The following TIAM1 variants were observed in gnomAD, a reference collection of about 807,000 sequenced individuals.
TIAM1 encodes the protein rho guanine nucleotide exchange factor TIAM1.
TIAM1 carries 65 observed loss-of-function variants against 163.5 expected under a neutral mutation model. The observed-to-expected ratio is 0.40, with a 90% CI of 0.33 to 0.49. The LOEUF (loss-of-function observed/expected upper bound fraction) is 0.49, where lower values mean the gene tolerates loss of function less well. Among genes scored for constraint, TIAM1 ranks in the 20% least tolerant of loss-of-function variants. The pLI is 0.77. For synonymous variants in TIAM1, 833 were observed against 810.1 expected, an observed-to-expected ratio of 1.03 and a Z score of -0.48; for missense variants, 1,789 against 2,044.7, an observed-to-expected ratio of 0.87 and a Z score of 2.41.
At chr21:31,287,572 G>C (rs965401654) in intron 2 of TIAM1, among the ~76,000 whole-genome samples, 2 of 152,160 alleles carry the variant, frequency 1.3e-5, no homozygotes, top group African/African-American at 2.4e-5. Flanking sequence ...GCTTAGCTTA[G>C]GAGGATGAGA....
At chr21:31,281,993 C>G (rs2073590782) in intron 2 of TIAM1, among the ~76,000 whole-genome samples, 1 of 152,130 alleles carries the variant, frequency 6.6e-6, no homozygotes, top group African/African-American at 2.4e-5. Context: ...TAAGAAAAAA[C>G]TTGGGAATGA....
chr21:31,468,802 G>C lies in TIAM1; in HGVS notation c.-421-4767C>G, dbSNP rs574394844. On this transcript the variant is annotated intron_variant, in intron 1 of 28. Coordinates refer to the TIAM1 transcript ENST00000286827. Reference sequence around the variant, plus strand: ...AAAAAAACGAACCTAGAAGGGCGACGTGCTAAATACTCTCAGATTGCCCTT... The same window carrying C: ...AAAAAAACGAACCTAGAAGGGCGACCTGCTAAATACTCTCAGATTGCCCTT... 3.7e-4 allele frequency among the ~76,000 whole-genome samples: 57 copies of C among 152,186 alleles called. 1 individual carries two copies. Among genetic ancestry groups the C allele is most frequent in the South Asian group, 2.9e-3 (14 of 4,818 alleles).
At chr21:31,288,632 T>G (rs1285054969) in intron 2 of TIAM1, among the ~76,000 whole-genome samples, 1 of 152,046 alleles carries the variant, frequency 6.6e-6, no homozygotes, top group Non-Finnish European at 1.5e-5. Flanking sequence ...GCATAGCAAC[T>G]CCCAAAAAAC....
chr21:31,467,645 A>G (rs1036926227), intron 1 of TIAM1, among the ~76,000 whole-genome samples: 2 of 151,210 alleles, frequency 1.3e-5, no homozygotes, highest in African/African-American at 4.8e-5. Flanking sequence ...AAGAATAAAT[A>G]AATAAAAATA....
chr21:31,205,285 C>T (rs2086392525), intron 11 of TIAM1, among the ~76,000 whole-genome samples: 1 of 152,062 alleles, frequency 6.6e-6, no homozygotes, highest in Non-Finnish European at 1.5e-5. Context: ...CCGACTGAGG[C>T]GGAAGGGAAA....
chr21:31,152,415 C>T (rs536620215), intron 19 of TIAM1, among the ~76,000 whole-genome samples: 1 of 152,190 alleles, frequency 6.6e-6, no homozygotes, highest in Admixed American at 6.5e-5. Flanking sequence ...GTTGGTACTT[C>T]TTCTCACGTA....
chr21:31,432,368 G>C (rs2044071434), intron 2 of TIAM1, among the ~76,000 whole-genome samples: 1 of 152,098 alleles, frequency 6.6e-6, no homozygotes, highest in Non-Finnish European at 1.5e-5. Context: ...CAAAGTGCTG[G>C]GATTACAGGC....
chr21:31,203,664 T>C (rs1053438548), intron 11 of TIAM1, among the ~76,000 whole-genome samples: 2 of 125,780 alleles, frequency 1.6e-5, no homozygotes, highest in African/African-American at 5.3e-5. Flanking sequence ...TTCTTAAATA[T>C]AACTTCATAG....
rs1020977002 is a variant in TIAM1, at chr21:31,426,689, C to T, written c.-369+37294G>A. Among the ~76,000 whole-genome samples the T allele has an allele frequency of 9.9e-5, 15 of 152,030 alleles. No homozygotes were observed. The East Asian group carries it at 1.2e-3, about 12-fold the overall frequency. ...TTCCACTTTGCAGAGAGTCATAGCA[C>T]GGTTTTTTTCAACTTTGGTTTTCAT... On this transcript the variant is annotated intron_variant, in intron 2 of 28. Transcript: ENST00000286827.
chr21:31,454,204 A>G (rs2044998272), intron 2 of TIAM1, among the ~76,000 whole-genome samples: 1 of 152,094 alleles, frequency 6.6e-6, no homozygotes, highest in African/African-American at 2.4e-5. Flanking sequence ...TTTTGTCTGT[A>G]TTTTTTTGCT....
intron 20 of TIAM1, among the ~76,000 whole-genome samples, chr21:31,143,010 T>C (rs1470301602): frequency 1.3e-5 from 2 of 152,052 alleles, no homozygotes; most frequent in African/African-American, 4.8e-5. Context: ...GGACAGTGTA[T>C]CCAAGCAACG....
intron 2 of TIAM1, among the ~76,000 whole-genome samples, chr21:31,408,283 G>C (rs1011448763): frequency 1.3e-5 from 2 of 152,176 alleles, no homozygotes; most frequent in African/African-American, 4.8e-5. Flanking sequence ...GAAAGACAAA[G>C]AGAAGAAATG....
intron 2 of TIAM1, among the ~76,000 whole-genome samples, chr21:31,324,936 G>T (rs934176282): frequency 4.6e-5 from 7 of 152,238 alleles, no homozygotes; most frequent in African/African-American, 1.7e-4. Flanking sequence ...GACCACAAGG[G>T]TAAACAATGA....
chr21:31,536,368 C>T (rs1429279199), intron 1 of TIAM1, among the ~76,000 whole-genome samples: 1 of 152,212 alleles, frequency 6.6e-6, no homozygotes, highest in African/African-American at 2.4e-5. Flanking sequence ...CACACCATGG[C>T]ACCTGCCCAT....
Position 31,316,571 on chromosome 21 carries a change from T to C in TIAM1, c.-189+22672A>G, listed in dbSNP as rs147627017. Among the ~76,000 whole-genome samples the C allele has an allele frequency of 1.4e-4, 22 of 152,302 alleles. No homozygotes were observed. In the East Asian group the frequency reaches 3.5e-3, roughly 24 times the overall value. On this transcript the variant is annotated intron_variant, in intron 2 of 27. Transcript: ENST00000541036. ...TCGCTAAGAAGTAATCAGGACTGTGTGGTTTGACCCTTATCGGATCTAAGG... is the reference window on the plus strand; with the variant it reads ...TCGCTAAGAAGTAATCAGGACTGTGCGGTTTGACCCTTATCGGATCTAAGG...
At chr21:31,174,328 C>T (rs910168217) in intron 15 of TIAM1, among the ~76,000 whole-genome samples, 2 of 152,232 alleles carry the variant, frequency 1.3e-5, no homozygotes, top group African/African-American at 4.8e-5. Flanking sequence ...AGCAAGGTGC[C>T]TTCGACTTTC....
At chr21:31,391,177 G>A (rs1324314429) in intron 2 of TIAM1, among the ~76,000 whole-genome samples, 1 of 152,138 alleles carries the variant, frequency 6.6e-6, no homozygotes, top group African/African-American at 2.4e-5. Context: ...GTACGCTGTT[G>A]TGTCCATAAA....
chr21:31,524,205 T>TAATTG (rs2047702424), intron 1 of TIAM1, among the ~76,000 whole-genome samples: 1 of 152,190 alleles, frequency 6.6e-6, no homozygotes, highest in African/African-American at 2.4e-5. Flanking sequence ...CTCATGGTTC[T>TAATTG]GCAGATTGTA....
At chr21:31,210,590 GAA>G (rs369277398) in intron 10 of TIAM1, among the ~76,000 whole-genome samples, 1,154 of 105,334 alleles carry the variant, frequency 0.011, 47 homozygotes, top group East Asian at 0.072. Context: ...AAGAAAGAAA[GAA>G]AGAGAGAAAG....
Sources: gnomAD v4.1 joint callset for allele counts (sites outside exome capture counted in the v4.1 genomes callset) on GRCh38, gnomAD v4.1.1 for gene constraint, MANE v1.5 for transcripts, NCBI Gene and HGNC (gene_info 2026-07-23, HGNC 2026-07-21) for gene names.